Variants in NRXN1 observed in about 807,000 individuals in gnomAD.
The protein encoded by NRXN1 is neurexin 1, also known as neurexin-1.
A neutral mutation model predicts 150.9 loss-of-function variants in NRXN1; 39 were observed. The ratio of observed to expected loss-of-function variants is 0.26; its 90% CI spans 0.20 to 0.34. The LOEUF (loss-of-function observed/expected upper bound fraction) is 0.34, where lower values mean the gene tolerates loss of function less well. Among genes scored for constraint, NRXN1 ranks in the 10% least tolerant of loss-of-function variants. The probability of loss-of-function intolerance (pLI) is 1.00; values close to 1 mark genes in which losing one functional copy is unlikely to be tolerated. For missense variants in NRXN1, 1,815 were observed against 1,949.9 expected, an observed-to-expected ratio of 0.93 and a Z score of 1.30; for synonymous variants, 924 against 757.0, an observed-to-expected ratio of 1.22 and a Z score of -3.62.
chr2:50,899,269 C>G (rs1682531616), intron 5 of NRXN1, among the ~76,000 whole-genome samples: 1 of 152,136 alleles, frequency 6.6e-6, no homozygotes. Context: ...TGAAGTGCAC[C>G]TCACTCCAAT....
chr2:50,713,425 C>T (rs1019794687), intron 5 of NRXN1, among the ~76,000 whole-genome samples: 5 of 151,928 alleles, frequency 3.3e-5, no homozygotes, highest in South Asian at 2.1e-4. Context: ...AGCCTTTTAA[C>T]GATAACATTT....
In NRXN1 at chr2:50,951,115, G is replaced by C. The variant is rs375759327; in HGVS notation, c.773-25160C>G. On this transcript the variant is annotated intron_variant, in intron 2 of 22. Coordinates refer to ENST00000401669, the MANE Select transcript of NRXN1 (RefSeq NM_001330078.2). ...TGTATTCAATTGCTCAAGGACAGCT[G>C]TTTGAAACAATGTATTAGAAAGAAT... Among the ~76,000 whole-genome samples, 14 of 152,162 alleles carry C rather than the reference G, an allele frequency of 9.2e-5. No homozygotes were observed. In the East Asian group the frequency reaches 1.2e-3, roughly 13 times the overall value.
chr2:50,738,620 T>G (rs1219737565), intron 5 of NRXN1, among the ~76,000 whole-genome samples: 1 of 152,200 alleles, frequency 6.6e-6, no homozygotes, highest in Non-Finnish European at 1.5e-5. Flanking sequence ...GCAGCTTTTC[T>G]GAAATCTCCC....
intron 12 of NRXN1, among the ~76,000 whole-genome samples, chr2:50,520,171 T>G (rs2105114937): frequency 6.6e-6 from 1 of 152,046 alleles, no homozygotes; most frequent in Admixed American, 6.6e-5. Flanking sequence ...CCTAGGCTAC[T>G]TTTATGTATT....
At chr2:50,457,476 A>C (rs1293519177) in intron 17 of NRXN1, among the ~76,000 whole-genome samples, 1 of 152,118 alleles carries the variant, frequency 6.6e-6, no homozygotes, top group Non-Finnish European at 1.5e-5. Flanking sequence ...AGCCCAAAGA[A>C]GTTACTTAAA....
chr2:50,364,779 A>C (rs558315140), intron 17 of NRXN1, among the ~76,000 whole-genome samples: 3 of 152,142 alleles, frequency 2.0e-5, no homozygotes, highest in Admixed American at 6.6e-5. Flanking sequence ...GCAATGGATC[A>C]TGAAGAAAAG....
intron 5 of NRXN1, among the ~76,000 whole-genome samples, chr2:50,897,902 T>C (rs1363979620): frequency 6.6e-6 from 1 of 152,082 alleles, no homozygotes; most frequent in Non-Finnish European, 1.5e-5. Context: ...TTTACTGTAT[T>C]CCTCCATAAA....
chr2:50,895,579 TTG>T (rs1681810349), intron 5 of NRXN1, among the ~76,000 whole-genome samples: 1 of 151,658 alleles, frequency 6.6e-6, no homozygotes, highest in South Asian at 2.1e-4. Context: ...TTTTTTTTGT[TTG>T]TTTGTCTTTT....
intron 21 of NRXN1, among the ~76,000 whole-genome samples, chr2:50,045,566 G>A (rs992974583): frequency 6.6e-6 from 1 of 152,050 alleles, no homozygotes; most frequent in Non-Finnish European, 1.5e-5. Flanking sequence ...TTATATGTAA[G>A]AGATGAATAA....
chr2:50,112,362 G>C (rs567217159), intron 18 of NRXN1, among the ~76,000 whole-genome samples: 2 of 152,190 alleles, frequency 1.3e-5, no homozygotes, highest in Non-Finnish European at 2.9e-5. Flanking sequence ...AACAATCCAG[G>C]TTTCTCTCTT....
At chr2:50,923,347 T>G in intron 3 of NRXN1, 1 of 255,414 alleles carries the variant, frequency 3.9e-6, no homozygotes, top group Non-Finnish European at 8.5e-6. Context: ...CTAAAGCAAT[T>G]TTCCTCAGAG....
chr2:50,510,309 A>T (rs1232199084), intron 12 of NRXN1, among the ~76,000 whole-genome samples: 1 of 151,784 alleles, frequency 6.6e-6, no homozygotes, highest in Non-Finnish European at 1.5e-5. Flanking sequence ...AACAGGGTGA[A>T]ACCCTCTCTC....
intron 18 of NRXN1, among the ~76,000 whole-genome samples, chr2:50,181,468 T>C: frequency 6.6e-6 from 1 of 152,132 alleles, no homozygotes; most frequent in Non-Finnish European, 1.5e-5. Context: ...AAGTATCTGC[T>C]GATCTTCAGT....
At position 51,027,673 on chromosome 2, in the gene NRXN1, C is replaced by G; in HGVS notation, c.601G>C (p.Glu201Gln). The change falls in exon 2 of 23, where the codon GAG becomes CAG. Residue 201 changes from glutamate to glutamine, a missense_variant. Coordinates refer to ENST00000401669, the MANE Select transcript of NRXN1 (RefSeq NM_001330078.2). ...GGCGGCTCATCGTCCAGCTTCACCT[C>G]GCCGCTGTCCACGGGCAGGACCTGC... ...SSQVLPVDSG[E>Q]VKLDDEPPNS... 2 of 1,602,746 alleles carry G rather than the reference C, an allele frequency of 1.2e-6. No homozygotes were observed. Among genetic ancestry groups the G allele is most frequent in the Non-Finnish European group, 1.7e-6 (2 of 1,174,722 alleles).
chr2:50,545,421 C>A (rs373379483), intron 9 of NRXN1, among the ~76,000 whole-genome samples: 1 of 152,026 alleles, frequency 6.6e-6, no homozygotes, highest in Non-Finnish European at 1.5e-5. Context: ...TCACTAGGTC[C>A]GCGTGTGGTC....
At chr2:50,050,242 A>G (rs1344356932) in intron 21 of NRXN1, among the ~76,000 whole-genome samples, 1 of 151,256 alleles carries the variant, frequency 6.6e-6, no homozygotes, top group Non-Finnish European at 1.5e-5. Flanking sequence ...TTTGATGAAC[A>G]CTACTATATT....
At chr2:50,990,829 A>T (rs544916567) in intron 2 of NRXN1, among the ~76,000 whole-genome samples, 1 of 152,134 alleles carries the variant, frequency 6.6e-6, no homozygotes, top group Non-Finnish European at 1.5e-5. Context: ...GCACTAAAAA[A>T]GCTTTCCCAG....
At chr2:50,664,703 C>T (rs963341287) in intron 5 of NRXN1, among the ~76,000 whole-genome samples, 1 of 151,132 alleles carries the variant, frequency 6.6e-6, no homozygotes, top group Non-Finnish European at 1.5e-5. Flanking sequence ...AAAACCAAAG[C>T]ACATACTTTG....
chr2:50,711,179 C>T (rs1695089202), intron 5 of NRXN1, among the ~76,000 whole-genome samples: 1 of 152,104 alleles, frequency 6.6e-6, no homozygotes. Flanking sequence ...AAACCAGTGG[C>T]TGTCAGTTTT....
Sources: allele counts gnomAD v4.1 joint callset (sites outside exome capture counted in the v4.1 genomes callset), GRCh38; gene constraint gnomAD v4.1.1; transcripts MANE v1.5; gene names NCBI Gene and HGNC (gene_info 2026-07-23, HGNC 2026-07-21).